The following SCHIP1 variants were observed in gnomAD, a reference collection of about 807,000 sequenced individuals.
The protein encoded by SCHIP1 is schwannomin-interacting protein 1.
Under a neutral mutation model 29.7 loss-of-function variants are expected in SCHIP1, and 8 were observed. The observed-to-expected ratio is 0.27, with a 90% CI of 0.16 to 0.49. The LOEUF is 0.49. Among genes scored for constraint, SCHIP1 ranks in the 20% least tolerant of loss-of-function variants. The pLI is 0.99. For missense variants in SCHIP1, 193 were observed against 294.6 expected, an observed-to-expected ratio of 0.66 and a Z score of 2.52; for synonymous variants, 76 against 94.9, an observed-to-expected ratio of 0.80 and a Z score of 1.16.
chr3:159,804,290 G>C, the SCHIP1 span, among the ~76,000 whole-genome samples: 1 of 152,194 alleles, frequency 6.6e-6, no homozygotes, highest in South Asian at 2.1e-4. Context: ...CTGGAGGCCT[G>C]TTCTCTCTGT....
the SCHIP1 span, among the ~76,000 whole-genome samples, chr3:159,415,306 T>A: frequency 5.3e-5 from 8 of 152,298 alleles, no homozygotes; most frequent in South Asian, 1.2e-3. Flanking sequence ...TTTGTTTAAC[T>A]TTTATTTTAG....
the SCHIP1 span, among the ~76,000 whole-genome samples, chr3:159,282,207 G>A: frequency 6.6e-6 from 1 of 151,862 alleles, no homozygotes; most frequent in African/African-American, 2.4e-5. Context: ...TAAGGATATT[G>A]ATATATATTG....
the SCHIP1 span, among the ~76,000 whole-genome samples, chr3:159,692,400 T>A: frequency 6.6e-6 from 1 of 152,198 alleles, no homozygotes; most frequent in Non-Finnish European, 1.5e-5. Context: ...AGTCCCATAT[T>A]TCTTGGAGGC....
At chr3:159,669,160 A>C in the SCHIP1 span, among the ~76,000 whole-genome samples, 2 of 152,350 alleles carry the variant, frequency 1.3e-5, no homozygotes, top group African/African-American at 4.8e-5. Flanking sequence ...AAGGATATTA[A>C]TAAGTAACTT....
chr3:159,508,758 T>G, the SCHIP1 span, among the ~76,000 whole-genome samples: 1 of 152,238 alleles, frequency 6.6e-6, no homozygotes, highest in Non-Finnish European at 1.5e-5. Context: ...ATTGTTCAGT[T>G]TCCATGTAGT....
the SCHIP1 span, among the ~76,000 whole-genome samples, chr3:159,562,589 G>A: frequency 6.6e-6 from 1 of 152,178 alleles, no homozygotes; most frequent in Admixed American, 6.5e-5. Context: ...TAAGTGTCCA[G>A]ATTTTGTTGG....
chr3:159,697,916 A>T, the SCHIP1 span, among the ~76,000 whole-genome samples: 1 of 152,246 alleles, frequency 6.6e-6, no homozygotes, highest in Non-Finnish European at 1.5e-5. Context: ...TTAAAATTTG[A>T]TATATGTATT....
the SCHIP1 span, among the ~76,000 whole-genome samples, chr3:159,562,924 A>G: frequency 6.6e-6 from 1 of 152,310 alleles, no homozygotes; most frequent in South Asian, 2.1e-4. Context: ...CTCCATGACA[A>G]ACTTCTAAAA....
chr3:159,698,078 C>A, the SCHIP1 span, among the ~76,000 whole-genome samples: 135 of 152,368 alleles, frequency 8.9e-4, 4 homozygotes, highest in East Asian at 0.025. Flanking sequence ...TGATTTTCCA[C>A]TGGTTCCCCT....
the SCHIP1 span, among the ~76,000 whole-genome samples, chr3:159,755,931 T>G: frequency 6.6e-6 from 1 of 152,224 alleles, no homozygotes; most frequent in Admixed American, 6.5e-5. Flanking sequence ...ATGCAAGAGG[T>G]GGGTTCCCAT....
At chr3:159,409,053 T>C in the SCHIP1 span, among the ~76,000 whole-genome samples, 5 of 152,158 alleles carry the variant, frequency 3.3e-5, no homozygotes, top group Non-Finnish European at 5.9e-5. Context: ...ATCATTTCAA[T>C]TGATGCTGAA....
At chr3:159,518,665 C>A in the SCHIP1 span, among the ~76,000 whole-genome samples, 1 of 151,944 alleles carries the variant, frequency 6.6e-6, no homozygotes, top group Non-Finnish European at 1.5e-5. Flanking sequence ...GGCTGAACAA[C>A]CTAGAGAGAT....
chr3:159,888,375 T>C (rs1006460724), intron 4 of SCHIP1: 1 of 205,374 alleles, frequency 4.9e-6, no homozygotes, highest in African/African-American at 2.3e-5. Flanking sequence ...AGTTTTCTCA[T>C]CTATAAAATG....
At chr3:159,448,602 T>A in the SCHIP1 span, among the ~76,000 whole-genome samples, 2 of 152,178 alleles carry the variant, frequency 1.3e-5, no homozygotes, top group Non-Finnish European at 2.9e-5. Context: ...CCATAAAATA[T>A]GTGTTAAGAG....
the SCHIP1 span, among the ~76,000 whole-genome samples, chr3:159,541,996 G>A: frequency 6.6e-6 from 1 of 152,082 alleles, no homozygotes; most frequent in Non-Finnish European, 1.5e-5. Context: ...TAGCATGAAA[G>A]TGGCTTCCAG....
the SCHIP1 span, among the ~76,000 whole-genome samples, chr3:159,790,471 G>T: frequency 6.6e-6 from 1 of 152,180 alleles, no homozygotes; most frequent in African/African-American, 2.4e-5. Context: ...GATCACTTGA[G>T]GTCAGGAGTT....
the SCHIP1 span, among the ~76,000 whole-genome samples, chr3:159,283,670 T>C: frequency 1.3e-5 from 2 of 152,224 alleles, no homozygotes; most frequent in South Asian, 4.1e-4. Flanking sequence ...GGCTTTTTGT[T>C]GTATTGATTT....
the SCHIP1 span, among the ~76,000 whole-genome samples, chr3:159,360,536 T>C: frequency 3.3e-5 from 5 of 152,196 alleles, no homozygotes; most frequent in Non-Finnish European, 1.5e-5. Flanking sequence ...TGTTCAATTA[T>C]GTAGTCATTT....
the SCHIP1 span, among the ~76,000 whole-genome samples, chr3:159,480,214 T>C: frequency 6.6e-6 from 1 of 152,150 alleles, no homozygotes; most frequent in African/African-American, 2.4e-5. Flanking sequence ...AAAGAATGCT[T>C]TTGAAAGGGA....
Sources: allele counts gnomAD v4.1 joint callset (sites outside exome capture counted in the v4.1 genomes callset), GRCh38; gene constraint gnomAD v4.1.1; transcripts MANE v1.5; gene names NCBI Gene and HGNC (gene_info 2026-07-23, HGNC 2026-07-21).